The following METTL9 variants were observed in gnomAD, a reference collection of about 807,000 sequenced individuals.
METTL9 encodes the protein protein-L-histidine N-pros-methyltransferase.
METTL9 carries 10 observed loss-of-function variants against 36.0 expected under a neutral mutation model. The ratio of observed to expected loss-of-function variants is 0.28; its 90% CI spans 0.17 to 0.47. The LOEUF is 0.47. METTL9 is among the 20% of genes least tolerant of loss of function. The pLI is 0.99. For synonymous variants in METTL9, 175 were observed against 149.7 expected (o/e 1.17, Z -1.23); for missense variants, 246 against 383.5 (o/e 0.64, Z 3.00).
intron 4 of METTL9, among the ~76,000 whole-genome samples, chr16:21,635,609 T>C (rs1966072332): frequency 1.3e-5 from 2 of 152,136 alleles, no homozygotes; most frequent in Non-Finnish European, 2.9e-5. Context: ...CAGGTGGCCA[T>C]TTTTCCCCAT....
At chr16:21,601,410 G>A (rs1339123332) in intron 1 of METTL9, among the ~76,000 whole-genome samples, 1 of 152,084 alleles carries the variant, frequency 6.6e-6, no homozygotes, top group Admixed American at 6.5e-5. Context: ...GAGAAAAAGC[G>A]ATTTATCTCC....
intron 1 of METTL9, 28 bp from the exon 2 acceptor site, chr16:21,612,617 T>G: frequency 6.8e-7 from 1 of 1,468,910 alleles, no homozygotes; most frequent in South Asian, 1.4e-5. Flanking sequence ...TGTTTTAATT[T>G]TTGTTCTTTT....
chr16:21,651,769 C>T (rs1966582502), intron 4 of METTL9: 2 of 152,016 alleles, frequency 1.3e-5, no homozygotes, highest in Admixed American at 6.6e-5. Context: ...ATTTTATCTG[C>T]ATCTTTCAGA....
chr16:21,599,812 C>G lies in METTL9; in HGVS notation c.79C>G (p.Pro27Ala), dbSNP rs1174843176. 22 of 1,546,352 alleles carry G rather than the reference C, an allele frequency of 1.4e-5. No individual in the cohort carries two copies. The highest frequency in any genetic ancestry group is 1.7e-5 in the Non-Finnish European group (20 of 1,153,280). ...GCGGAGGATGTGGACGCTGCGGAGCCCGCTCACCCGCTCCCTGTACGTGAA... is the reference window on the plus strand; with the variant it reads ...GCGGAGGATGTGGACGCTGCGGAGCGCGCTCACCCGCTCCCTGTACGTGAA... ...LARRMWTLRS[P>A]LTRSLYVNMT... Residue 27 changes from proline (P) to alanine (A), a missense_variant, in exon 1 of 5, where the codon CCG becomes GCG. Around this residue, in one of 2 missense-constraint regions of METTL9, gnomAD observed 100 missense variants for 81.4 expected, o/e 1.23. Coordinates refer to ENST00000358154, the MANE Select transcript of METTL9 (RefSeq NM_016025.5). The surrounding 1 kb of genome is among the most constrained non-coding windows in gnomAD (Gnocchi z 4.4).
intron 4 of METTL9, chr16:21,647,104 T>C (rs768774248): frequency 6.2e-7 from 1 of 1,613,982 alleles, no homozygotes; most frequent in South Asian, 1.1e-5. Flanking sequence ...GATGCAATGA[T>C]GCACTGAAAT....
chr16:21,651,296 T>C (rs1459608205), intron 4 of METTL9, among the ~76,000 whole-genome samples: 1 of 151,818 alleles, frequency 6.6e-6, no homozygotes, highest in East Asian at 1.9e-4. Flanking sequence ...TGTCTCTCTA[T>C]CTAGTAAGTA....
At chr16:21,623,818 T>G (rs1446927546) in intron 3 of METTL9, among the ~76,000 whole-genome samples, 1 of 152,212 alleles carries the variant, frequency 6.6e-6, no homozygotes, top group African/African-American at 2.4e-5. Flanking sequence ...GTCCTCAGGC[T>G]GGAGTGCAGT....
intron 2 of METTL9, among the ~76,000 whole-genome samples, chr16:21,614,236 T>G (rs1228213770): frequency 6.6e-6 from 1 of 152,200 alleles, no homozygotes; most frequent in African/African-American, 2.4e-5. Flanking sequence ...TACCATTTAT[T>G]CTTCCTTTGG....
chr16:21,636,898 C>T (rs182110777), intron 4 of METTL9, among the ~76,000 whole-genome samples: 68 of 152,244 alleles, frequency 4.5e-4, no homozygotes, highest in Non-Finnish European at 6.6e-4. Flanking sequence ...TGGCGATAGG[C>T]GATAGTCTCA....
intron 3 of METTL9, among the ~76,000 whole-genome samples, chr16:21,624,623 A>T (rs973967387): frequency 3.3e-5 from 5 of 151,956 alleles, no homozygotes; most frequent in Non-Finnish European, 5.9e-5. Flanking sequence ...GTTACTGGGG[A>T]GGCGGAGGCA....
intron 3 of METTL9, among the ~76,000 whole-genome samples, chr16:21,619,587 A>ATTTTTTTTTTTTTTTT (rs35728063): frequency 3.2e-5 from 4 of 124,216 alleles, no homozygotes; most frequent in Non-Finnish European, 6.7e-5. Context: ...TGCCCGGCTA[A>ATTTTTTTTTTTTTTTT]TTTTTTTTTT....
chr16:21,615,546 T>C (rs1292324126), intron 2 of METTL9, among the ~76,000 whole-genome samples: 1 of 152,172 alleles, frequency 6.6e-6, no homozygotes, highest in Non-Finnish European at 1.5e-5. Context: ...CCTATAAATG[T>C]AGACCAGTCA....
intron 4 of METTL9, among the ~76,000 whole-genome samples, chr16:21,643,856 C>CT (rs993670207): frequency 6.6e-6 from 1 of 152,096 alleles, no homozygotes. Context: ...AAAAGGTATT[C>CT]TTTTTTAATA....
upstream of METTL9, chr16:21,597,969 T>G (rs1234937090): frequency 2.0e-5 from 3 of 152,200 alleles, no homozygotes; most frequent in African/African-American, 7.2e-5. Flanking sequence ...CCCTGTGCCT[T>G]TTTGTTTGTT....
chr16:21,602,412 T>C (rs182641154), intron 1 of METTL9, among the ~76,000 whole-genome samples: 60 of 152,290 alleles, frequency 3.9e-4, no homozygotes, highest in Admixed American at 7.2e-4. Context: ...GCCATTTTAG[T>C]AACTTGGTTT....
In METTL9 at chr16:21,622,976, C is replaced by T. The variant is rs140809033; in HGVS notation, c.567-1955C>T. Among the ~76,000 whole-genome samples the T allele has an allele frequency of 1.6e-3, 246 of 152,156 alleles. 2 individuals carry two copies. Among genetic ancestry groups the T allele is most frequent in the African/African-American group, 5.7e-3 (238 of 41,516 alleles). On this transcript the variant is annotated intron_variant, in intron 3 of 4. Coordinates refer to ENST00000358154, the MANE Select transcript of METTL9 (RefSeq NM_016025.5). ...CTTTAAATTGGCTGCTTAGCTAAGG[C>T]GTTAATATATACAAATAGTCCTTTC...
intron 4 of METTL9, chr16:21,646,297 A>G (rs1478479282): frequency 6.6e-6 from 1 of 152,154 alleles, no homozygotes; most frequent in African/African-American, 2.4e-5. Context: ...TCAGGAAGTG[A>G]GAGTCATCAC....
intron 2 of METTL9, among the ~76,000 whole-genome samples, chr16:21,616,989 C>T (rs1204904614): frequency 6.6e-6 from 1 of 152,182 alleles, no homozygotes; most frequent in Non-Finnish European, 1.5e-5. Context: ...CCCCTGTCAT[C>T]CTTTCCACTT....
At chr16:21,647,405 G>C in intron 4 of METTL9, 2 of 1,614,058 alleles carry the variant, frequency 1.2e-6, no homozygotes, top group South Asian at 1.1e-5. Flanking sequence ...TGCGGAGAAG[G>C]TACACTTTAT....
Sources: allele counts gnomAD v4.1 joint callset (sites outside exome capture counted in the v4.1 genomes callset), GRCh38; gene constraint gnomAD v4.1.1; regional missense constraint gnomAD v4.1.1; non-coding constraint Gnocchi (gnomAD v3.1); transcripts MANE v1.5; gene names NCBI Gene and HGNC (gene_info 2026-07-23, HGNC 2026-07-21).